Variants in CNOT4 observed in about 807,000 individuals in gnomAD.
CNOT4 encodes the protein CCR4-associated factor 4.
Under a neutral mutation model 73.8 loss-of-function variants are expected in CNOT4, and 8 were observed. That is an observed-to-expected ratio of 0.11 (90% confidence interval 0.06 to 0.20). The LOEUF is 0.20. Ranked by LOEUF, CNOT4 falls within the 10% of genes least tolerant of loss-of-function variation. The probability of loss-of-function intolerance (pLI) is 1.00; values close to 1 mark genes in which losing one functional copy is unlikely to be tolerated. For synonymous variants in CNOT4, 293 were observed against 321.1 expected (o/e 0.91, Z 0.94); for missense variants, 564 against 883.4 (o/e 0.64, Z 4.58).
chr7:135,458,980 T>C (rs903380881), intron 1 of CNOT4, among the ~76,000 whole-genome samples: 3 of 152,054 alleles, frequency 2.0e-5, no homozygotes, highest in African/African-American at 7.2e-5. Context: ...AGGTTTTCAA[T>C]TTATTTTGCC....
Position 135,508,543 on chromosome 7 carries a change from G to T in CNOT4, c.-93+1346C>A, listed in dbSNP as rs114918180. Among the ~76,000 whole-genome samples the T allele has an allele frequency of 5.3e-3, 802 of 152,252 alleles. 11 individuals are homozygous for T. The highest frequency in any genetic ancestry group is 0.018 in the African/African-American group (767 of 41,548). ...GCATACATAACTAATGGATTTTCAA[G>T]ACAAGACAATTTATTCTGATAACTA... On this transcript the variant is annotated intron_variant, in intron 1 of 11. Transcript: ENST00000541284.
At chr7:135,462,086 A>C (rs939521982) in intron 1 of CNOT4, among the ~76,000 whole-genome samples, 5 of 152,106 alleles carry the variant, frequency 3.3e-5, no homozygotes, top group East Asian at 1.9e-4. Context: ...ACTTGAAGCA[A>C]ACAATGTTTG....
chr7:135,424,782 C>A (rs1238700276), intron 2 of CNOT4, among the ~76,000 whole-genome samples: 3 of 151,994 alleles, frequency 2.0e-5, no homozygotes, highest in African/African-American at 7.2e-5. Context: ...GAGCCAGACT[C>A]CTTCTCAAAA....
intron 1 of CNOT4, among the ~76,000 whole-genome samples, chr7:135,479,824 AG>A (rs1251347084): frequency 1.3e-5 from 2 of 152,136 alleles, no homozygotes; most frequent in Admixed American, 1.3e-4. Flanking sequence ...TGGGAAGTGG[AG>A]GCTGCAGTAA....
At chr7:135,449,541 GA>G (rs1351301822) in intron 1 of CNOT4, among the ~76,000 whole-genome samples, 5 of 151,972 alleles carry the variant, frequency 3.3e-5, no homozygotes, top group Non-Finnish European at 7.4e-5. Flanking sequence ...AAGACAACAA[GA>G]ACCATAAAGG....
At chr7:135,466,672 C>T (rs191419628) in intron 1 of CNOT4, among the ~76,000 whole-genome samples, 17 of 152,260 alleles carry the variant, frequency 1.1e-4, no homozygotes, top group Non-Finnish European at 1.3e-4. Flanking sequence ...GAGCAACTTC[C>T]AGTCCTACAA....
intron 3 of CNOT4, among the ~76,000 whole-genome samples, chr7:135,416,756 A>C (rs1183139353): frequency 1.3e-5 from 2 of 152,142 alleles, no homozygotes; most frequent in Non-Finnish European, 2.9e-5. Context: ...GAAGCACTCA[A>C]GGGGCAGTCT....
intron 1 of CNOT4, among the ~76,000 whole-genome samples, chr7:135,470,881 A>G (rs755173569): frequency 5.9e-5 from 9 of 152,210 alleles, no homozygotes; most frequent in Non-Finnish European, 1.2e-4. Context: ...GAAATGTTCT[A>G]TATCTTGATA....
rs528677496 is a variant in CNOT4, at chr7:135,466,608, C to CAGT, written c.-92-28188_-92-28186dup. On this transcript the variant is annotated intron_variant, in intron 1 of 11. Coordinates refer to ENST00000541284, the MANE Select transcript of CNOT4 (RefSeq NM_001190850.2). ...TGTTTACAATGTCTACAGTAGTGTA[C>CAGT]AGTAATGTCCTAGGCCTTCGTATTC... Among the ~76,000 whole-genome samples the CAGT allele has an allele frequency of 5.9e-5, 9 of 152,056 alleles. No homozygotes were observed. In the South Asian group the frequency reaches 1.9e-3, roughly 32 times the overall value.
intron 1 of CNOT4, among the ~76,000 whole-genome samples, chr7:135,441,484 T>A (rs1025043146): frequency 2.8e-4 from 42 of 151,434 alleles, no homozygotes; most frequent in African/African-American, 1.0e-3. Flanking sequence ...TAAAGCTGAC[T>A]TCTAATAGGT....
chr7:135,476,845 A>G (rs1802025306), intron 1 of CNOT4, among the ~76,000 whole-genome samples: 2 of 152,150 alleles, frequency 1.3e-5, no homozygotes, highest in Non-Finnish European at 2.9e-5. Flanking sequence ...ATAATGGTAC[A>G]TGTCTGTAGT....
intron 7 of CNOT4, among the ~76,000 whole-genome samples, chr7:135,408,456 G>C (rs1376609165): frequency 1.3e-5 from 2 of 152,064 alleles, no homozygotes; most frequent in Non-Finnish European, 2.9e-5. Flanking sequence ...CACAATGCAA[G>C]GAATTAGTGT....
intron 1 of CNOT4, among the ~76,000 whole-genome samples, chr7:135,441,230 A>AT (rs58070652): frequency 1 from 152,122 of 152,124 alleles, 76,060 homozygotes; most frequent in Non-Finnish European, 1. Flanking sequence ...TATTATCTAA[A>AT]TGCTGCAAAA....
chr7:135,388,534 A>T, intron 10 of CNOT4: 1 of 1,058,816 alleles, frequency 9.4e-7, no homozygotes, highest in Non-Finnish European at 1.1e-6. Context: ...TTAGTACTAC[A>T]AGTTTATTTT....
intron 1 of CNOT4, among the ~76,000 whole-genome samples, chr7:135,447,163 A>T (rs971421981): frequency 6.6e-6 from 1 of 151,294 alleles, no homozygotes; most frequent in African/African-American, 2.4e-5. Flanking sequence ...AAGAAACAGC[A>T]CTTTAAGTTG....
intron 1 of CNOT4, among the ~76,000 whole-genome samples, chr7:135,470,394 G>C (rs543602882): frequency 6.6e-6 from 1 of 151,642 alleles, no homozygotes; most frequent in African/African-American, 2.4e-5. Flanking sequence ...GCCTCCCAAA[G>C]TGCTGGATTT....
At chr7:135,462,460 GA>G (rs1056652674) in intron 1 of CNOT4, among the ~76,000 whole-genome samples, 22 of 151,836 alleles carry the variant, frequency 1.4e-4, no homozygotes, top group Non-Finnish European at 2.4e-4. Context: ...GGATCCAGGA[GA>G]AAAAAAGGGA....
At chr7:135,466,565 T>C (rs985769835) in intron 1 of CNOT4, among the ~76,000 whole-genome samples, 3 of 152,232 alleles carry the variant, frequency 2.0e-5, no homozygotes, top group Admixed American at 6.5e-5. Context: ...ATAAATTTAG[T>C]GTAGCCTAAC....
At chr7:135,406,802 C>G (rs1315403418) in intron 7 of CNOT4, among the ~76,000 whole-genome samples, 2 of 152,082 alleles carry the variant, frequency 1.3e-5, no homozygotes, top group Non-Finnish European at 2.9e-5. Flanking sequence ...TCTCCTGCTA[C>G]CAAAACAGTT....
Sources: gnomAD v4.1 joint callset for allele counts (sites outside exome capture counted in the v4.1 genomes callset) on GRCh38, gnomAD v4.1.1 for gene constraint, MANE v1.5 for transcripts, NCBI Gene and HGNC (gene_info 2026-07-23, HGNC 2026-07-21) for gene names.